The following SERPINB8 variants were observed in gnomAD, a reference collection of about 807,000 sequenced individuals.
SERPINB8 encodes the protein serpin family B member 8.
Under a neutral mutation model 35.3 loss-of-function variants are expected in SERPINB8, and 25 were observed. The ratio of observed to expected loss-of-function variants is 0.71; its 90% CI spans 0.52 to 0.99. The LOEUF is 0.99. Among genes scored for constraint, SERPINB8 ranks in the 50% least tolerant of loss-of-function variants. The pLI, the probability that SERPINB8 is intolerant of heterozygous loss-of-function variation, is 0.00. For synonymous variants in SERPINB8, 186 were observed against 160.8 expected (o/e 1.16, Z -1.19); for missense variants, 484 against 446.5 (o/e 1.08, Z -0.76).
At chr18:64,007,824 T>G (rs1168443222), downstream of SERPINB8, among the ~76,000 whole-genome samples, 1 of 151,900 alleles carries the variant, frequency 6.6e-6, no homozygotes, top group Non-Finnish European at 1.5e-5. Flanking sequence ...AGGCCCCACC[T>G]CCAACACTGG....
At chr18:64,013,188 C>G (rs4940602) in intron 7 of SERPINB8, among the ~76,000 whole-genome samples, 10 of 151,082 alleles carry the variant, frequency 6.6e-5, no homozygotes, top group African/African-American at 2.2e-4. Flanking sequence ...TTCTTCCCCC[C>G]GCTCCAGTCA....
At chr18:63,982,907 C>A (rs1041016936) in intron 4 of SERPINB8, among the ~76,000 whole-genome samples, 1 of 151,878 alleles carries the variant, frequency 6.6e-6, no homozygotes, top group East Asian at 1.9e-4. Context: ...TATTCTACCC[C>A]CCTAATTCCT....
At chr18:63,983,195 G>A (rs1429482690) in intron 4 of SERPINB8, among the ~76,000 whole-genome samples, 4 of 152,120 alleles carry the variant, frequency 2.6e-5, no homozygotes, top group African/African-American at 7.2e-5. Context: ...TGACAATAGC[G>A]GTGAGGCTTG....
chr18:64,012,594 T>C (rs200214854), intron 7 of SERPINB8, among the ~76,000 whole-genome samples: 26 of 129,396 alleles, frequency 2.0e-4, no homozygotes, highest in South Asian at 1.1e-3. Flanking sequence ...TGTGTGTGCG[T>C]GTGTGTGTAA....
intron 1 of SERPINB8, among the ~76,000 whole-genome samples, chr18:63,994,864 C>T (rs770209563): frequency 6.6e-6 from 1 of 152,196 alleles, no homozygotes; most frequent in Non-Finnish European, 1.5e-5. Context: ...ATAAGGCCAG[C>T]TCAGTCCGTC....
intron 7 of SERPINB8, among the ~76,000 whole-genome samples, chr18:64,012,908 C>T (rs1161932561): frequency 6.6e-6 from 1 of 152,072 alleles, no homozygotes; most frequent in African/African-American, 2.4e-5. Context: ...CTGCATGTTG[C>T]GCAGGCAAAG....
chr18:63,978,288 C>T lies in SERPINB8; in HGVS notation c.-10-11C>T, dbSNP rs1428886069. On this transcript the variant is annotated splice_polypyrimidine_tract_variant and intron_variant, in intron 1 of 6. Coordinates refer to ENST00000397985, the MANE Select transcript of SERPINB8 (RefSeq NM_002640.4). ...GCTTATGTGCTTTTCCCTGCTGTGCCTTTGATGCAGACCTTCTCTGATGGA... is the reference window on the plus strand; with the variant it reads ...GCTTATGTGCTTTTCCCTGCTGTGCTTTTGATGCAGACCTTCTCTGATGGA... 13 of 1,613,990 alleles carry T rather than the reference C, an allele frequency of 8.1e-6. No individual in the cohort carries two copies. Among genetic ancestry groups the T allele is most frequent in the Admixed American group, 1.7e-5 (1 of 60,002 alleles).
Position 63,989,237 on chromosome 18 carries a change from T to G in SERPINB8, c.*1959T>G, listed in dbSNP as rs1369514648. ...TTGTATGTATCAATAGTTCATCCCTTTTATTGGTAAGTAACATTTTTTTGT... is the reference window on the plus strand; with the variant it reads ...TTGTATGTATCAATAGTTCATCCCTGTTATTGGTAAGTAACATTTTTTTGT... On this transcript the variant is annotated 3_prime_UTR_variant, in exon 7 of 7. Transcript: ENST00000397985. The G allele has an allele frequency of 1.3e-5, 2 of 152,260 alleles. No homozygotes were observed. Among genetic ancestry groups the G allele is most frequent in the Non-Finnish European group, 2.9e-5 (2 of 68,042 alleles). 9.4% of individuals were successfully genotyped at this position (152,260 alleles called of 1,614,324 possible). A position where few individuals can be genotyped will look rare whatever the true frequency, so the allele number is the denominator to read the frequency against.
At chr18:63,980,805 T>C (rs962009587) in intron 3 of SERPINB8, among the ~76,000 whole-genome samples, 2 of 152,206 alleles carry the variant, frequency 1.3e-5, no homozygotes, top group Non-Finnish European at 2.9e-5. Flanking sequence ...TCCTCTTTCT[T>C]TGGCTGAAAT....
intron 1 of SERPINB8, 72 bp from the exon 2 acceptor site, chr18:63,978,226 TG>T: frequency 6.5e-7 from 1 of 1,535,362 alleles, no homozygotes; most frequent in Non-Finnish European, 9.0e-7. Flanking sequence ...GTCCACTGAC[TG>T]GGGGATGAAT....
At chr18:64,004,743 T>G (rs2050891999) in intron 1 of SERPINB8, 1 of 397,974 alleles carries the variant, frequency 2.5e-6, no homozygotes, top group South Asian at 1.3e-4. Flanking sequence ...TACAGAAACT[T>G]TAAAGGAATG....
intron 1 of SERPINB8, among the ~76,000 whole-genome samples, chr18:64,003,527 G>A (rs1335822370): frequency 2.2e-5 from 1 of 46,264 alleles, no homozygotes; most frequent in African/African-American, 4.7e-5. Context: ...AAATGTGTGT[G>A]TGTGTGTGTG....
chr18:63,987,294 G>A lies in SERPINB8; in HGVS notation c.*16G>A, dbSNP rs562645911. 2 of 1,590,768 alleles carry A rather than the reference G, an allele frequency of 1.3e-6. No individual in the cohort carries two copies. The highest frequency in any genetic ancestry group is 2.3e-5 in the South Asian group (2 of 87,864). On this transcript the variant is annotated 3_prime_UTR_variant, in exon 7 of 7. Transcript: ENST00000397985. Reference sequence around the variant, plus strand: ...TTCTCCGTAAAGAGGAGCAATTGCTGTACATACCCTCCTTTCCTTCTACCT... The same window carrying A: ...TTCTCCGTAAAGAGGAGCAATTGCTATACATACCCTCCTTTCCTTCTACCT...
rs2050806605 is a variant in SERPINB8 at position 63,989,305 on chromosome 18, A to G, written c.*2027A>G. On this transcript the variant is annotated 3_prime_UTR_variant, in exon 7 of 7. Coordinates refer to ENST00000397985, the MANE Select transcript of SERPINB8 (RefSeq NM_002640.4). ...TGTTGATGAACAAATTTACCTGTTG[A>G]TGAACATTTACGTTGTTACCAAGAT... 1 of 152,230 alleles carries G rather than the reference A, an allele frequency of 6.6e-6. No individual in the cohort carries two copies. Among genetic ancestry groups the G allele is most frequent in the African/African-American group, 2.4e-5 (1 of 41,458 alleles). The allele number at this position is 152,230 out of a possible 1,614,324, so 9.4% of individuals were successfully genotyped here.
At chr18:63,986,793 TG>T in intron 6 of SERPINB8, 80 bp from the exon 7 acceptor site, 1 of 1,414,148 alleles carries the variant, frequency 7.1e-7, no homozygotes. Flanking sequence ...TGCATGTCAT[TG>T]GGGGAGGGGT....
chr18:64,015,501 G>T (rs967890486), intron 7 of SERPINB8, among the ~76,000 whole-genome samples: 1 of 152,122 alleles, frequency 6.6e-6, no homozygotes, highest in African/African-American at 2.4e-5. Context: ...TGGGCCATAT[G>T]CTTTCCTTTC....
chr18:63,975,062 A>G (rs117161880), intron 1 of SERPINB8, among the ~76,000 whole-genome samples: 3,638 of 152,098 alleles, frequency 0.024, 66 homozygotes, highest in Middle Eastern at 0.037. Flanking sequence ...TTCATTCAGA[A>G]CTATTGAAAC....
intron 1 of SERPINB8, among the ~76,000 whole-genome samples, chr18:63,975,738 A>C (rs2050571251): frequency 6.6e-6 from 1 of 152,214 alleles, no homozygotes; most frequent in Non-Finnish European, 1.5e-5. Context: ...TTGTTTAAGT[A>C]AGAGACACCC....
intron 1 of SERPINB8, among the ~76,000 whole-genome samples, chr18:63,997,183 C>A (rs56336018): frequency 6.6e-6 from 1 of 152,162 alleles, no homozygotes; most frequent in African/African-American, 2.4e-5. Flanking sequence ...CTTTGAGAAA[C>A]AATTATTGTC....
Sources: allele counts gnomAD v4.1 joint callset (sites outside exome capture counted in the v4.1 genomes callset), GRCh38; gene constraint gnomAD v4.1.1; transcripts MANE v1.5; gene names NCBI Gene and HGNC (gene_info 2026-07-23, HGNC 2026-07-21).